The following NREP variants were observed in gnomAD, a reference collection of about 807,000 sequenced individuals.
The protein encoded by NREP is neuronal regeneration-related protein.
In NREP, 5 loss-of-function variants were observed where a neutral mutation model predicts 8.6. That is an observed-to-expected ratio of 0.58 (90% confidence interval 0.30 to 1.22). The LOEUF (loss-of-function observed/expected upper bound fraction) is 1.22. Ranked by LOEUF, NREP falls within the 50% of genes most tolerant of loss-of-function variation. The pLI is 0.07. For synonymous variants in NREP, 27 were observed against 28.0 expected (o/e 0.96, Z 0.11); for missense variants, 86 against 82.5 (o/e 1.04, Z -0.17).
chr5:111,861,669 T>C (rs988274735), intron 2 of NREP, among the ~76,000 whole-genome samples: 4 of 152,168 alleles, frequency 2.6e-5, no homozygotes, highest in African/African-American at 9.7e-5. Flanking sequence ...TGCTTTTCAT[T>C]AGGTTATCTT....
chr5:111,770,266 C>A (rs1376417294), intron 2 of NREP, among the ~76,000 whole-genome samples: 2 of 151,962 alleles, frequency 1.3e-5, no homozygotes, highest in South Asian at 4.1e-4. Context: ...TTATAGTGGC[C>A]AGATTTGTTC....
At chr5:111,956,271 A>G (rs1487839125) in intron 2 of NREP, among the ~76,000 whole-genome samples, 1 of 152,196 alleles carries the variant, frequency 6.6e-6, no homozygotes, top group Non-Finnish European at 1.5e-5. Context: ...AAGAAAATAA[A>G]CAACAGACAT....
intron 3 of NREP, chr5:111,734,717 C>T (rs1191005234): frequency 2.9e-6 from 2 of 700,694 alleles, no homozygotes; most frequent in Non-Finnish European, 5.2e-6. Context: ...ATTTTATTTT[C>T]AGTGGATTCT....
At chr5:111,829,078 G>T (rs748556850) in intron 2 of NREP, among the ~76,000 whole-genome samples, 1 of 151,656 alleles carries the variant, frequency 6.6e-6, no homozygotes, top group African/African-American at 2.4e-5. Flanking sequence ...AAACCATCAT[G>T]AAAGAGCATA....
intron 2 of NREP, among the ~76,000 whole-genome samples, chr5:111,825,723 G>C (rs1031923890): frequency 2.0e-5 from 3 of 152,136 alleles, no homozygotes; most frequent in Non-Finnish European, 4.4e-5. Context: ...ACTTAGCCCT[G>C]AGCATGCTTA....
intron 2 of NREP, among the ~76,000 whole-genome samples, chr5:111,891,895 C>T (rs1043961150): frequency 4.6e-5 from 7 of 152,134 alleles, no homozygotes; most frequent in East Asian, 1.9e-4. Flanking sequence ...ACTTCCAACT[C>T]GGGATTACAT....
At chr5:111,817,855 T>C (rs1213595953) in intron 2 of NREP, among the ~76,000 whole-genome samples, 1 of 151,074 alleles carries the variant, frequency 6.6e-6, no homozygotes, top group Non-Finnish European at 1.5e-5. Flanking sequence ...TATGTGTATG[T>C]ATACACACAC....
At chr5:111,920,693 C>T (rs1021973568) in intron 2 of NREP, among the ~76,000 whole-genome samples, 1 of 151,954 alleles carries the variant, frequency 6.6e-6, no homozygotes, top group Non-Finnish European at 1.5e-5. Context: ...TTTCTGAATC[C>T]CCACCCCACC....
At chr5:111,961,142 C>T (rs997711459) in intron 2 of NREP, among the ~76,000 whole-genome samples, 6 of 151,806 alleles carry the variant, frequency 4.0e-5, no homozygotes, top group Non-Finnish European at 8.8e-5. Flanking sequence ...CAAGACTTTT[C>T]AAGGCCACAT....
chr5:111,820,220 C>CA (rs895139683), intron 2 of NREP, among the ~76,000 whole-genome samples: 10 of 150,952 alleles, frequency 6.6e-5, no homozygotes, highest in African/African-American at 1.9e-4. Flanking sequence ...AAATAGATCA[C>CA]AAAAAAAAAG....
upstream of NREP, chr5:111,757,969 AAG>A: frequency 2.0e-6 from 2 of 985,548 alleles, no homozygotes; most frequent in South Asian, 4.7e-5. Flanking sequence ...ATCTGAGGAA[AAG>A]AGGACGGCGA....
intron 2 of NREP, among the ~76,000 whole-genome samples, chr5:111,748,829 A>C (rs1750176256): frequency 6.6e-6 from 1 of 152,188 alleles, no homozygotes; most frequent in Non-Finnish European, 1.5e-5. Context: ...TAAGTGGTCA[A>C]TATTCTTCTA....
chr5:111,865,797 T>A (rs1163149714), intron 2 of NREP, among the ~76,000 whole-genome samples: 2 of 152,142 alleles, frequency 1.3e-5, no homozygotes, highest in African/African-American at 4.8e-5. Context: ...GCACTGAAAT[T>A]AATTTTAAAA....
chr5:111,739,871 CT>C (rs1267526800), intron 2 of NREP: 1 of 152,056 alleles, frequency 6.6e-6, no homozygotes, highest in Non-Finnish European at 1.5e-5. Context: ...TTTAAAACTG[CT>C]TTTTCCATGT....
chr5:111,832,430 C>G (rs1416350180), intron 2 of NREP, among the ~76,000 whole-genome samples: 1 of 152,088 alleles, frequency 6.6e-6, no homozygotes, highest in Non-Finnish European at 1.5e-5. Flanking sequence ...ACTTGTGGGT[C>G]TGATGAGGTG....
At chr5:111,832,324 C>T (rs1056594710) in intron 2 of NREP, among the ~76,000 whole-genome samples, 1 of 152,046 alleles carries the variant, frequency 6.6e-6, no homozygotes, top group East Asian at 1.9e-4. Context: ...TAGGGACCAG[C>T]CTGGACAATA....
intron 2 of NREP, among the ~76,000 whole-genome samples, chr5:111,790,347 CTTTTTTTTTTTTTTT>C (rs57775701): frequency 5.2e-4 from 31 of 59,640 alleles, no homozygotes; most frequent in South Asian, 3.2e-3. Context: ...AAAACCTTAA[CTTTTTTTTTTTTTTT>C]TTTTTTTTTT....
intron 2 of NREP, among the ~76,000 whole-genome samples, chr5:111,891,115 C>T (rs12516065): frequency 0.6 from 91,304 of 152,080 alleles, 27,846 homozygotes; most frequent in Non-Finnish European, 0.65. Flanking sequence ...TATCTGAGCA[C>T]AGGCTATTAG....
At chr5:111,904,786 C>G (rs1754737550) in intron 2 of NREP, among the ~76,000 whole-genome samples, 2 of 152,062 alleles carry the variant, frequency 1.3e-5, no homozygotes, top group South Asian at 4.1e-4. Context: ...AATTGTTTTT[C>G]CTTCCCTTCT....
Sources: allele counts gnomAD v4.1 joint callset (sites outside exome capture counted in the v4.1 genomes callset), GRCh38; gene constraint gnomAD v4.1.1; transcripts MANE v1.5; gene names NCBI Gene and HGNC (gene_info 2026-07-23, HGNC 2026-07-21).